The following CSGALNACT2 variants were observed in gnomAD, a reference collection of about 807,000 sequenced individuals.
The protein encoded by CSGALNACT2 is chondroitin sulfate N-acetylgalactosaminyltransferase 2, also known as beta 4 GalNAcT-2.
In CSGALNACT2, 35 loss-of-function variants were observed where a neutral mutation model predicts 55.3. The ratio of observed to expected loss-of-function variants is 0.63; its 90% CI spans 0.48 to 0.84. The LOEUF (loss-of-function observed/expected upper bound fraction) is 0.84. CSGALNACT2 is among the 40% of genes least tolerant of loss of function. CSGALNACT2 has a pLI of 0.00. For synonymous variants in CSGALNACT2, 196 were observed against 224.9 expected (o/e 0.87, Z 1.15); for missense variants, 544 against 657.5 (o/e 0.83, Z 1.89).
intron 1 of CSGALNACT2, among the ~76,000 whole-genome samples, chr10:43,148,008 A>T (rs1467240429): frequency 6.6e-6 from 1 of 152,084 alleles, no homozygotes; most frequent in Non-Finnish European, 1.5e-5. Context: ...TTTTGTTCTA[A>T]GAGTTTTCTA....
chr10:43,169,317 A>G (rs951600105), intron 6 of CSGALNACT2, among the ~76,000 whole-genome samples: 4 of 152,254 alleles, frequency 2.6e-5, no homozygotes, highest in Non-Finnish European at 5.9e-5. Context: ...AGGAAAAACA[A>G]TACTATGAAA....
chr10:43,142,598 A>G (rs866465056), intron 1 of CSGALNACT2, among the ~76,000 whole-genome samples: 5 of 152,262 alleles, frequency 3.3e-5, no homozygotes, highest in African/African-American at 4.8e-5. Context: ...TTGGAACACA[A>G]CTATACTCAT....
Position 43,183,362 on chromosome 10 carries a change from C to T in CSGALNACT2, c.1449C>T (p.His483=), listed in dbSNP as rs2133163065. Residue 483 remains histidine (H), a synonymous_variant, in exon 8 of 8, where the codon CAC becomes CAT. Coordinates refer to ENST00000374466, the MANE Select transcript of CSGALNACT2 (RefSeq NM_018590.5). ...VIRTPVPGLF[H]LWHEKRCADE... ...GGACTCCGGTTCCTGGTCTTTTCCACCTCTGGCATGAAAAGCGCTGTGCTG... is the reference window on the plus strand; with the variant it reads ...GGACTCCGGTTCCTGGTCTTTTCCATCTCTGGCATGAAAAGCGCTGTGCTG... The T allele has an allele frequency of 1.2e-6, 2 of 1,614,126 alleles. No homozygotes were observed. Among genetic ancestry groups the T allele is most frequent in the East Asian group, 2.2e-5 (1 of 44,874 alleles).
intron 4 of CSGALNACT2, 67 bp downstream of exon 4, chr10:43,160,662 G>A (rs981800174): frequency 2.6e-5 from 20 of 763,808 alleles, no homozygotes; most frequent in Non-Finnish European, 4.6e-5. Flanking sequence ...TTTCAGATAT[G>A]TAATGAGTTA....
chr10:43,142,607 A>G (rs2133087494), intron 1 of CSGALNACT2, among the ~76,000 whole-genome samples: 1 of 152,362 alleles, frequency 6.6e-6, no homozygotes, highest in East Asian at 1.9e-4. Flanking sequence ...AACTATACTC[A>G]TTCACTTACA....
intron 5 of CSGALNACT2, among the ~76,000 whole-genome samples, chr10:43,164,715 C>T (rs1395108078): frequency 3.3e-5 from 5 of 151,096 alleles, no homozygotes; most frequent in African/African-American, 1.2e-4. Flanking sequence ...GGCATGGTGG[C>T]GTACGCCTGT....
At chr10:43,166,642 T>C (rs1839270840) in intron 5 of CSGALNACT2, among the ~76,000 whole-genome samples, 1 of 152,228 alleles carries the variant, frequency 6.6e-6, no homozygotes, top group African/African-American at 2.4e-5. Context: ...TTAACAGACG[T>C]TTCTAAGTTT....
intron 2 of CSGALNACT2, among the ~76,000 whole-genome samples, chr10:43,156,707 G>C (rs760094691): frequency 2.6e-5 from 4 of 152,238 alleles, no homozygotes; most frequent in Non-Finnish European, 4.4e-5. Context: ...TAAAGAGCGT[G>C]CAGTGTAGAT....
intron 6 of CSGALNACT2, among the ~76,000 whole-genome samples, chr10:43,168,932 A>G (rs1314820293): frequency 6.6e-6 from 1 of 152,250 alleles, no homozygotes; most frequent in East Asian, 1.9e-4. Flanking sequence ...AGAACAGACT[A>G]GAATGTGTTC....
chr10:43,147,627 C>T (rs1790692374), intron 1 of CSGALNACT2, among the ~76,000 whole-genome samples: 1 of 152,110 alleles, frequency 6.6e-6, no homozygotes, highest in South Asian at 2.1e-4. Context: ...CCTTGAATTA[C>T]ATGCTAGTGG....
intron 5 of CSGALNACT2, 105 bp downstream of exon 5, chr10:43,164,149 C>A: frequency 1.1e-6 from 1 of 920,220 alleles, no homozygotes; most frequent in Admixed American, 2.8e-5. Context: ...TTAGTTAAAC[C>A]CCAGTATTTT....
intron 1 of CSGALNACT2, among the ~76,000 whole-genome samples, chr10:43,139,313 A>G (rs1054502943): frequency 2.6e-5 from 4 of 152,208 alleles, no homozygotes; most frequent in African/African-American, 9.7e-5. Context: ...TAAGAAGCCA[A>G]GTATTTTAGG....
intron 1 of CSGALNACT2, among the ~76,000 whole-genome samples, chr10:43,150,784 TTAAG>T (rs1267556912): frequency 6.6e-6 from 1 of 152,210 alleles, no homozygotes; most frequent in Non-Finnish European, 1.5e-5. Flanking sequence ...CCTTATTTGT[TTAAG>T]TATTTCTCCT....
At chr10:43,143,529 G>C (rs920731251) in intron 1 of CSGALNACT2, among the ~76,000 whole-genome samples, 3 of 151,082 alleles carry the variant, frequency 2.0e-5, no homozygotes, top group Non-Finnish European at 4.4e-5. Flanking sequence ...GTGTGTGTGT[G>C]TGTGTGTGGA....
rs541263227 is a variant in CSGALNACT2, at chr10:43,176,182, A to T, written c.1336+150A>T. On this transcript the variant is annotated intron_variant, in intron 7 of 7. Transcript: ENST00000374466. Reference sequence around the variant, plus strand: ...AGAAACTGGATATACAAAAGGCAAAATAAGTTTATAATTAATGTTTTGAAT... The same window carrying T: ...AGAAACTGGATATACAAAAGGCAAATTAAGTTTATAATTAATGTTTTGAAT... 2.7e-4 allele frequency: 144 copies of T among 526,756 alleles called. 1 individual carries two copies. The East Asian group carries it at 4.5e-3, about 17-fold the overall frequency. The allele number at this position is 526,756 out of a possible 1,614,324, so 32.6% of individuals were successfully genotyped here. A position where few individuals can be genotyped will look rare whatever the true frequency, so the allele number is the denominator to read the frequency against.
intron 1 of CSGALNACT2, among the ~76,000 whole-genome samples, chr10:43,148,926 A>G (rs1171655034): frequency 6.6e-6 from 1 of 152,212 alleles, no homozygotes; most frequent in Non-Finnish European, 1.5e-5. Flanking sequence ...CAATATAAAT[A>G]GAAGTGACAA....
intron 1 of CSGALNACT2, among the ~76,000 whole-genome samples, chr10:43,148,241 C>A (rs2505508): frequency 0.039 from 5,927 of 152,134 alleles, 379 homozygotes; most frequent in African/African-American, 0.13. Context: ...AAGTTCCATT[C>A]CATTGACTAT....
chr10:43,149,044 A>G (rs1335358490), intron 1 of CSGALNACT2, among the ~76,000 whole-genome samples: 1 of 152,166 alleles, frequency 6.6e-6, no homozygotes, highest in African/African-American at 2.4e-5. Flanking sequence ...TTCTTAGATT[A>G]GGAAGGTGTC....
At chr10:43,165,224 CA>C (rs1004483353) in intron 5 of CSGALNACT2, among the ~76,000 whole-genome samples, 37 of 139,098 alleles carry the variant, frequency 2.7e-4, no homozygotes, top group Non-Finnish European at 2.4e-4. Context: ...CATTCTGTCT[CA>C]AAAAAAAAAA....
Sources: allele counts gnomAD v4.1 joint callset (sites outside exome capture counted in the v4.1 genomes callset), GRCh38; gene constraint gnomAD v4.1.1; transcripts MANE v1.5; gene names NCBI Gene and HGNC (gene_info 2026-07-23, HGNC 2026-07-21).